The following PCCA variants were observed in gnomAD, a reference collection of about 807,000 sequenced individuals.
PCCA encodes propionyl-CoA carboxylase subunit alpha, also known as propionyl-CoA carboxylase alpha chain, mitochondrial.
A neutral mutation model predicts 101.3 loss-of-function variants in PCCA; 74 were observed. The ratio of observed to expected loss-of-function variants is 0.73; its 90% CI spans 0.61 to 0.89. PCCA has a LOEUF of 0.89. Among genes scored for constraint, PCCA ranks in the 40% least tolerant of loss-of-function variants. The pLI is 0.00. For missense variants in PCCA, 891 were observed against 907.0 expected (o/e 0.98, Z 0.23); for synonymous variants, 294 against 313.6 (o/e 0.94, Z 0.66).
intron 8 of PCCA, among the ~76,000 whole-genome samples, chr13:100,246,287 CAT>C (rs145767716): frequency 0.1 from 15,915 of 152,058 alleles, 930 homozygotes; most frequent in Non-Finnish European, 0.13. Context: ...GATTTTGACT[CAT>C]ATGTTATTTG....
chr13:100,331,813 C>T (rs1457948983), intron 17 of PCCA, among the ~76,000 whole-genome samples: 1 of 150,794 alleles, frequency 6.6e-6, no homozygotes, highest in Admixed American at 6.6e-5. Flanking sequence ...GCTAAGAACC[C>T]CTTACGTCAT....
intron 8 of PCCA, among the ~76,000 whole-genome samples, chr13:100,245,441 C>T (rs1301281516): frequency 6.6e-6 from 1 of 152,192 alleles, no homozygotes; most frequent in Non-Finnish European, 1.5e-5. Flanking sequence ...TACAGCCCCT[C>T]TCCTGTCACT....
intron 6 of PCCA, among the ~76,000 whole-genome samples, chr13:100,176,955 T>C (rs2152423846): frequency 6.6e-6 from 1 of 152,338 alleles, no homozygotes; most frequent in East Asian, 1.9e-4. Flanking sequence ...GCTTGCCAGA[T>C]AAAAGCCCTG....
chr13:100,354,130 G>T (rs769442050), intron 18 of PCCA, among the ~76,000 whole-genome samples: 2 of 137,114 alleles, frequency 1.5e-5, no homozygotes, highest in South Asian at 2.3e-4. Flanking sequence ...AAAATAATTC[G>T]CTGGGTGTGG....
intron 18 of PCCA, among the ~76,000 whole-genome samples, chr13:100,364,384 T>A (rs982834867): frequency 3.9e-5 from 6 of 152,188 alleles, no homozygotes; most frequent in African/African-American, 7.2e-5. Context: ...ATCATAAATC[T>A]GTCTGTGCTG....
At chr13:100,170,031 C>T (rs1009492676) in intron 6 of PCCA, among the ~76,000 whole-genome samples, 1 of 152,164 alleles carries the variant, frequency 6.6e-6, no homozygotes, top group Non-Finnish European at 1.5e-5. Flanking sequence ...TTCTGTATCA[C>T]TCAGGCTTTC....
chr13:100,456,567 G>A (rs2081735726), intron 21 of PCCA, among the ~76,000 whole-genome samples: 1 of 152,200 alleles, frequency 6.6e-6, no homozygotes, highest in African/African-American at 2.4e-5. Flanking sequence ...GCAGGGTAAG[G>A]AGGGTGAATC....
chr13:100,163,764 T>G (rs1283532612), intron 6 of PCCA, among the ~76,000 whole-genome samples: 2 of 152,220 alleles, frequency 1.3e-5, no homozygotes, highest in Non-Finnish European at 2.9e-5. Context: ...GATTTATGTC[T>G]AGCATTTTAT....
At chr13:100,515,701 G>A (rs1480002251) in intron 22 of PCCA, 134 bp downstream of exon 22, 24 of 1,006,984 alleles carry the variant, frequency 2.4e-5, no homozygotes, top group African/African-American at 6.3e-5. Flanking sequence ...CAGCAAAATC[G>A]ATTGCGTGTG....
rs148417844 is a variant in PCCA at position 100,104,852 on chromosome 13, C to T, written c.183+1892C>T. Among the ~76,000 whole-genome samples the T allele has an allele frequency of 4.3e-3, 652 of 151,936 alleles. 4 individuals are homozygous for T. Among genetic ancestry groups the T allele is most frequent in the African/African-American group, 0.015 (614 of 41,454 alleles). ...CCGAGTAGCTGGGATTACAGGTGTA[C>T]GTCACCATGCCCGGCTAATTTTTGT... On this transcript the variant is annotated intron_variant, in intron 2 of 23. Coordinates refer to ENST00000376285, the MANE Select transcript of PCCA (RefSeq NM_000282.4).
intron 16 of PCCA, 28 bp from the exon 17 acceptor site, chr13:100,330,533 C>G (rs1328441359): frequency 7.6e-6 from 10 of 1,322,518 alleles, no homozygotes; most frequent in Non-Finnish European, 1.1e-5. Flanking sequence ...ATTCATTGTT[C>G]TTCAATTTGA....
intron 18 of PCCA, among the ~76,000 whole-genome samples, chr13:100,360,178 T>C (rs2074414892): frequency 1.3e-5 from 2 of 151,844 alleles, no homozygotes; most frequent in African/African-American, 4.8e-5. Flanking sequence ...CCCCCCCCTT[T>C]TTTTTTTCTT....
chr13:100,366,012 G>A (rs2075123222), intron 18 of PCCA, among the ~76,000 whole-genome samples: 1 of 152,134 alleles, frequency 6.6e-6, no homozygotes, highest in South Asian at 2.1e-4. Context: ...GAATGCAAAA[G>A]GTGGGTTCTT....
At chr13:100,400,537 T>C (rs2077275821) in intron 19 of PCCA, among the ~76,000 whole-genome samples, 3 of 152,046 alleles carry the variant, frequency 2.0e-5, no homozygotes, top group Admixed American at 1.3e-4. Context: ...TGTGTCTATA[T>C]GTGACTATAT....
rs553467542 is a variant in PCCA, at chr13:100,273,758, C to T, written c.1065+412C>T. 6.8e-4 allele frequency among the ~76,000 whole-genome samples: 103 copies of T among 152,240 alleles called. 1 individual carries two copies. Among genetic ancestry groups the T allele is most frequent in the African/African-American group, 2.3e-3 (95 of 41,536 alleles). On this transcript the variant is annotated intron_variant, in intron 12 of 23. Coordinates refer to ENST00000376285, the MANE Select transcript of PCCA (RefSeq NM_000282.4). The stretch of plus-strand genomic sequence containing the variant: ...TCGGTGGTGACTCCCACTGCTGTAC[C>T]ACTCAGCCAGGCTCCCAGAGGAACC...
Position 100,159,029 on chromosome 13 carries a change from A to G in PCCA, c.468+1689A>G, listed in dbSNP as rs370161894. 1.1e-4 allele frequency among the ~76,000 whole-genome samples: 16 copies of G among 144,782 alleles called. No homozygotes were observed. In the South Asian group the frequency reaches 2.4e-3, roughly 21 times the overall value. 95.0% of individuals were successfully genotyped at this position (144,782 alleles called of 152,430 possible). A position where few individuals can be genotyped will look rare whatever the true frequency, so the allele number is the denominator to read the frequency against. On this transcript the variant is annotated intron_variant, in intron 6 of 23. Coordinates refer to ENST00000376285, the MANE Select transcript of PCCA (RefSeq NM_000282.4). ...AATACATTTATTTATTTTATATATT[A>G]TATATAATATTATATACAGTTTATG...
chr13:100,414,504 T>C (rs1446478742), intron 19 of PCCA, among the ~76,000 whole-genome samples: 1 of 152,222 alleles, frequency 6.6e-6, no homozygotes, highest in Non-Finnish European at 1.5e-5. Flanking sequence ...GAGCATTAAA[T>C]TGTTTGAGTT....
intron 21 of PCCA, among the ~76,000 whole-genome samples, chr13:100,497,987 A>T (rs1213413530): frequency 6.6e-6 from 1 of 152,018 alleles, no homozygotes. Flanking sequence ...CTCCTGCCTC[A>T]GCCTCATGAG....
intron 19 of PCCA, among the ~76,000 whole-genome samples, chr13:100,385,224 G>C (rs961461443): frequency 3.3e-5 from 5 of 152,054 alleles, no homozygotes; most frequent in South Asian, 2.1e-4. Context: ...CTTTTTCCTT[G>C]ATAAAATTAT....
Sources: gnomAD v4.1 joint callset for allele counts (sites outside exome capture counted in the v4.1 genomes callset) on GRCh38, gnomAD v4.1.1 for gene constraint, MANE v1.5 for transcripts, NCBI Gene and HGNC (gene_info 2026-07-23, HGNC 2026-07-21) for gene names.